The following ZNF841 variants were observed in gnomAD, a reference collection of about 807,000 sequenced individuals.
ZNF841 encodes the protein zinc finger protein 841, also known as TCONS_00006091.
ZNF841 carries 11 observed loss-of-function variants against 13.0 expected under a neutral mutation model. The observed-to-expected ratio is 0.85, with a 90% CI of 0.53 to 1.40. The LOEUF is 1.40. Ranked by LOEUF, ZNF841 falls within the 40% of genes most tolerant of loss-of-function variation. ZNF841 has a pLI of 0.00. For synonymous variants in ZNF841, 369 were observed against 381.6 expected (o/e 0.97, Z 0.38); for missense variants, 1,068 against 1,139.5 (o/e 0.94, Z 0.90).
Position 52,067,511 on chromosome 19 carries a change from T to C in ZNF841, c.371A>G (p.Tyr124Cys), listed in dbSNP as rs1485369116. ...QAVMLEGHESYDTENFYFREI... is the reference protein window; with the variant it reads ...QAVMLEGHESCDTENFYFREI... ...CCTGAAGTAAAAATTTTCAGTGTCA[T>C]AGCTTTCATGTCCTTCCAACATCAC... The change falls in exon 7 of 7, where the codon TAT becomes TGT. Residue 124 changes from tyrosine to cysteine, a missense_variant. Tyr to Cys is a radical substitution (Grantham distance 194, BLOSUM62 -2). Coordinates refer to ENST00000594440, the MANE Select transcript of ZNF841 (RefSeq NM_001136499.2). The C allele has an allele frequency of 5.6e-6, 9 of 1,594,338 alleles. No homozygotes were observed. Among genetic ancestry groups the C allele is most frequent in the Non-Finnish European group, 7.7e-6 (9 of 1,168,660 alleles).
rs1415326685 is a variant in ZNF841, at chr19:52,065,927, G to A, written c.1955C>T (p.Pro652Leu). The change falls in exon 7 of 7, where the codon CCT (proline) becomes CTT (leucine). Residue 652 changes from proline (P) to leucine (L), a missense_variant. By Grantham distance (98) the Pro-to-Leu change is moderately conservative. Coordinates refer to ENST00000594440, the MANE Select transcript of ZNF841 (RefSeq NM_001136499.2). ...TTTGCCACAATCATTACATTTATAAGGTTTCTCTCCGGTATGAATTTTCCG... is the reference window on the plus strand; with the variant it reads ...TTTGCCACAATCATTACATTTATAAAGTTTCTCTCCGGTATGAATTTTCCG... ...RHRKIHTGEKPYKCNDCGKAY... is the reference protein window; with the variant it reads ...RHRKIHTGEKLYKCNDCGKAY... 2.4e-5 allele frequency: 38 copies of A among 1,614,084 alleles called. No individual in the cohort carries two copies. The highest frequency in any genetic ancestry group is 3.1e-5 in the Non-Finnish European group (36 of 1,180,040).
chr19:52,066,216 G>A lies in ZNF841; in HGVS notation c.1666C>T (p.Leu556Phe). Residue 556 changes from leucine to phenylalanine, a missense_variant, in exon 7 of 7, where the codon CTT becomes TTT. Transcript: ENST00000594440. ...CGKVFNYGGY[L>F]SVHMRCHTGE... ...GTATGACATCTCATATGAACCGAAA[G>A]GTATCCACCGTAATTAAAGACCTTG... The A allele has an allele frequency of 6.2e-7, 1 of 1,613,926 alleles. No homozygotes were observed. Among genetic ancestry groups the A allele is most frequent in the South Asian group, 1.1e-5 (1 of 91,078 alleles).
chr19:52,062,552 C>A (rs1323513694), downstream of ZNF841, among the ~76,000 whole-genome samples: 1 of 152,026 alleles, frequency 6.6e-6, no homozygotes, highest in Non-Finnish European at 1.5e-5. Context: ...TGAAGCAGGC[C>A]CTCTCACCTT....
intron 1 of ZNF841, among the ~76,000 whole-genome samples, chr19:52,095,191 A>G (rs2088627997): frequency 6.6e-6 from 1 of 152,210 alleles, no homozygotes; most frequent in Non-Finnish European, 1.5e-5. Context: ...ACGGGGAGTC[A>G]AGAAAAGCAG....
Position 52,065,426 on chromosome 19 carries a change from T to A in ZNF841, c.2456A>T (p.Lys819Ile). The A allele has an allele frequency of 6.2e-7, 1 of 1,613,678 alleles. No individual in the cohort carries two copies. Among genetic ancestry groups the A allele is most frequent in the East Asian group, 2.2e-5 (1 of 44,878 alleles). The change falls in exon 7 of 7, where the codon AAA (lysine) becomes ATA (isoleucine). Residue 819 changes from lysine to isoleucine, a missense_variant. Physicochemically the swap from Lys to Ile is moderately radical, Grantham distance 102 (BLOSUM62 -3). Transcript: ENST00000594440. ...LNHQMMHTGE[K>I]PYKCNECGKA... Reference sequence around the variant, plus strand: ...ACCACATTCATTACATTTATAAGGTTTCTCTCCAGTATGCATCATCTGATG... The same window carrying A: ...ACCACATTCATTACATTTATAAGGTATCTCTCCAGTATGCATCATCTGATG...
chr19:52,065,250 T>C lies in ZNF841; in HGVS notation c.2632A>G (p.Lys878Glu), dbSNP rs568439483. The C allele has an allele frequency of 3.0e-5, 48 of 1,614,058 alleles. No individual in the cohort carries two copies. In the Middle Eastern group the frequency reaches 8.2e-4, roughly 28 times the overall value. Residue 878 changes from lysine (K) to glutamate (E), a missense_variant, in exon 7 of 7, where the codon AAA becomes GAA. Transcript: ENST00000594440. ...TAAGATTTGCCACACTCATTACATT[T>C]ATAAGGTTTTTCACTAGAATGAATT... ...QRIHSSEKPY[K>E]CNECGKSYIS...
Position 52,066,359 on chromosome 19 carries a change from G to A in ZNF841, c.1523C>T (p.Thr508Ile). The change falls in exon 7 of 7, where the codon ACT becomes ATT. Residue 508 changes from threonine to isoleucine, a missense_variant. Transcript: ENST00000594440. The stretch of plus-strand genomic sequence containing the variant: ...ATTACATTTGTAAGGTTTCTCTCCA[G>A]TATGAACTCTCTGATGCACTGCAAG... ...SHLAVHQRVH[T>I]GEKPYKCNEC... 1 of 1,614,074 alleles carries A rather than the reference G, an allele frequency of 6.2e-7. No individual in the cohort carries two copies. The highest frequency in any genetic ancestry group is 8.5e-7 in the Non-Finnish European group (1 of 1,179,988).
In ZNF841 at chr19:52,078,568, C is replaced by G. The variant is rs367639526; in HGVS notation, c.16-1484G>C. 3.0e-3 allele frequency among the ~76,000 whole-genome samples: 461 copies of G among 151,296 alleles called. 3 individuals are homozygous for G. The highest frequency in any genetic ancestry group is 0.014 in the Middle Eastern group (4 of 290). Reference sequence around the variant, plus strand: ...CAAAAAATTAGCCGGGTGTGGTGGCCGGCGCCTGTAATCCCAGCTACTCGG... The same window carrying G: ...CAAAAAATTAGCCGGGTGTGGTGGCGGGCGCCTGTAATCCCAGCTACTCGG... On this transcript the variant is annotated intron_variant, in intron 4 of 6. Transcript: ENST00000594440.
intron 6 of ZNF841, among the ~76,000 whole-genome samples, chr19:52,073,293 G>T (rs200441781): frequency 2.0e-5 from 3 of 148,948 alleles, no homozygotes; most frequent in South Asian, 2.1e-4. Context: ...ACAAGTTGTT[G>T]TTTTTTTTTC....
intron 4 of ZNF841, among the ~76,000 whole-genome samples, chr19:52,080,287 A>G (rs901850333): frequency 2.6e-5 from 4 of 152,178 alleles, no homozygotes; most frequent in African/African-American, 9.7e-5. Context: ...AAATGATTTT[A>G]ACAACAATTC....
chr19:52,074,056 A>G (rs1308495252), intron 6 of ZNF841, among the ~76,000 whole-genome samples: 4 of 152,242 alleles, frequency 2.6e-5, no homozygotes, highest in African/African-American at 9.6e-5. Flanking sequence ...GAATTAAGTC[A>G]GGTGAAACAG....
intron 4 of ZNF841, among the ~76,000 whole-genome samples, chr19:52,079,446 A>C (rs1213146581): frequency 1.3e-5 from 2 of 151,358 alleles, no homozygotes; most frequent in Non-Finnish European, 2.9e-5. Flanking sequence ...AAAAAAAAAA[A>C]AAAAAAACCC....
intron 6 of ZNF841, among the ~76,000 whole-genome samples, chr19:52,071,469 C>T (rs1325779170): frequency 6.6e-6 from 1 of 151,820 alleles, no homozygotes; most frequent in Non-Finnish European, 1.5e-5. Context: ...GCACAACAGG[C>T]AAAGATTTGA....
At chr19:52,059,348 TAAAA>T in the ZNF841 span, among the ~76,000 whole-genome samples, 606 of 45,746 alleles carry the variant, frequency 0.013, 6 homozygotes, top group African/African-American at 0.079. Context: ...AGACTCTGTC[TAAAA>T]AAAAAAAAAA....
chr19:52,076,384 C>A, intron 5 of ZNF841: 1 of 534,200 alleles, frequency 1.9e-6, no homozygotes. Flanking sequence ...AGGGATAGGC[C>A]AAGCATACTG....
chr19:52,069,107 T>TGGAGTCA (rs1600082034), intron 6 of ZNF841, among the ~76,000 whole-genome samples: 1 of 152,188 alleles, frequency 6.6e-6, no homozygotes, highest in Non-Finnish European at 1.5e-5. Context: ...GGAGTCTCAC[T>TGGAGTCA]CTGTCACCCA....
chr19:52,073,467 T>A (rs547488692), intron 6 of ZNF841, among the ~76,000 whole-genome samples: 16 of 152,010 alleles, frequency 1.1e-4, no homozygotes, highest in African/African-American at 3.9e-4. Context: ...CCCGGCTAAT[T>A]TTTTTGTATT....
chr19:52,074,331 G>T (rs1027152057), intron 6 of ZNF841, among the ~76,000 whole-genome samples: 4 of 152,088 alleles, frequency 2.6e-5, no homozygotes, highest in Non-Finnish European at 5.9e-5. Flanking sequence ...TGAAAGCAAT[G>T]GTTGCTTAAA....
At chr19:52,079,351 T>G (rs1186941267) in intron 4 of ZNF841, among the ~76,000 whole-genome samples, 1 of 140,726 alleles carries the variant, frequency 7.1e-6, no homozygotes. Flanking sequence ...CAGATTAAGA[T>G]AGAAACAATA....
Sources: allele counts gnomAD v4.1 joint callset (sites outside exome capture counted in the v4.1 genomes callset), GRCh38; gene constraint gnomAD v4.1.1; transcripts MANE v1.5; gene names NCBI Gene and HGNC (gene_info 2026-07-23, HGNC 2026-07-21).